Variants in DDX60 observed in about 807,000 individuals in gnomAD.
The protein encoded by DDX60 is DExD/H-box helicase 60, also known as probable ATP-dependent RNA helicase DDX60.
In DDX60, 165 loss-of-function variants were observed where a neutral mutation model predicts 212.8. The ratio of observed to expected loss-of-function variants is 0.78; its 90% CI spans 0.68 to 0.88. The LOEUF (loss-of-function observed/expected upper bound fraction) is 0.88. Ranked by LOEUF, DDX60 falls within the 40% of genes least tolerant of loss-of-function variation. DDX60 has a pLI of 0.00. For missense variants in DDX60, 1,905 were observed against 2,003.9 expected, an observed-to-expected ratio of 0.95 and a Z score of 0.94; for synonymous variants, 703 against 685.3, an observed-to-expected ratio of 1.03 and a Z score of -0.40.
intron 3 of DDX60, among the ~76,000 whole-genome samples, chr4:168,309,893 G>A (rs1351008451): frequency 6.6e-6 from 1 of 152,144 alleles, no homozygotes. Flanking sequence ...GAAGGGATAA[G>A]CTAACTCTAC....
chr4:168,285,932 GAA>G (rs1735817153), intron 10 of DDX60, among the ~76,000 whole-genome samples: 1 of 135,530 alleles, frequency 7.4e-6, no homozygotes, highest in African/African-American at 2.8e-5. Context: ...AGGAAGGAAG[GAA>G]GGAAGGGAGG....
chr4:168,310,675 G>C (rs980636925), intron 3 of DDX60, among the ~76,000 whole-genome samples: 2 of 152,104 alleles, frequency 1.3e-5, no homozygotes, highest in Non-Finnish European at 2.9e-5. Flanking sequence ...TTTTGGAGGA[G>C]TAAAAAGTTA....
intron 14 of DDX60, among the ~76,000 whole-genome samples, chr4:168,278,432 A>G (rs1341421161): frequency 6.6e-6 from 1 of 152,256 alleles, no homozygotes; most frequent in East Asian, 1.9e-4. Flanking sequence ...TGAAGACTTC[A>G]ACAAGGCATC....
At chr4:168,303,950 C>A (rs1736762466) in intron 5 of DDX60, among the ~76,000 whole-genome samples, 1 of 152,028 alleles carries the variant, frequency 6.6e-6, no homozygotes, top group African/African-American at 2.4e-5. Context: ...CCACAGCACT[C>A]CAGCCTGGGC....
intron 33 of DDX60, among the ~76,000 whole-genome samples, chr4:168,228,790 T>C (rs1733345987): frequency 6.6e-6 from 1 of 152,100 alleles, no homozygotes; most frequent in Non-Finnish European, 1.5e-5. Flanking sequence ...AAATTTTGGA[T>C]TTTTTCTATG....
At chr4:168,293,494 T>C (rs1736200129) in intron 7 of DDX60, among the ~76,000 whole-genome samples, 1 of 152,196 alleles carries the variant, frequency 6.6e-6, no homozygotes, top group Non-Finnish European at 1.5e-5. Context: ...GCCCAAAACA[T>C]ACTAGCATAT....
At chr4:168,316,918 C>T (rs570263330) in intron 1 of DDX60, among the ~76,000 whole-genome samples, 3 of 151,870 alleles carry the variant, frequency 2.0e-5, no homozygotes, top group South Asian at 2.1e-4. Flanking sequence ...ATTAGCTGGG[C>T]ATGGTGACAG....
intron 3 of DDX60, among the ~76,000 whole-genome samples, chr4:168,310,389 C>A (rs1377170479): frequency 6.6e-6 from 1 of 152,092 alleles, no homozygotes; most frequent in Non-Finnish European, 1.5e-5. Context: ...TTGTTATGAT[C>A]CACTCCCACT....
intron 7 of DDX60, among the ~76,000 whole-genome samples, chr4:168,293,064 C>A (rs1302524110): frequency 6.6e-6 from 1 of 152,044 alleles, no homozygotes; most frequent in Non-Finnish European, 1.5e-5. Flanking sequence ...AGATTGTATA[C>A]AGAATAGTAT....
chr4:168,298,861 AT>A (rs1299263212), intron 6 of DDX60, among the ~76,000 whole-genome samples: 1 of 152,166 alleles, frequency 6.6e-6, no homozygotes. Context: ...AAAAAAAGAA[AT>A]TTTAAAAATC....
intron 30 of DDX60, among the ~76,000 whole-genome samples, chr4:168,243,342 TG>T (rs893945368): frequency 6.6e-6 from 1 of 152,056 alleles, no homozygotes; most frequent in Non-Finnish European, 1.5e-5. Flanking sequence ...ACCTACAGAA[TG>T]GGAGAAAATT....
rs376925524 is a variant in DDX60, at chr4:168,262,096, G to T, written c.3177C>A (p.Asn1059Lys). 3 of 1,590,760 alleles carry T rather than the reference G, an allele frequency of 1.9e-6. No individual in the cohort carries two copies. In the South Asian group the frequency reaches 3.5e-5, roughly 19 times the overall value. ...ELCPENFIHF[N>K]NKLVIKKMDA... ...CCATCTTTTTAATGACTAATTTATT[G>T]TTAAAATGAATGAAGTTTTCTGGGC... The change falls in exon 24 of 38, where the codon AAC becomes AAA. Residue 1059 changes from asparagine (N) to lysine (K), a missense_variant. By Grantham distance (94) the Asn-to-Lys change is moderately conservative (BLOSUM62 0). Transcript: ENST00000393743.
At chr4:168,251,892 G>A (rs1734235179) in intron 27 of DDX60, among the ~76,000 whole-genome samples, 1 of 152,178 alleles carries the variant, frequency 6.6e-6, no homozygotes, top group East Asian at 1.9e-4. Flanking sequence ...TGAGTACTAT[G>A]AGTGATGACA....
chr4:168,223,007 C>A (rs1336402281), intron 35 of DDX60, among the ~76,000 whole-genome samples: 1 of 152,068 alleles, frequency 6.6e-6, no homozygotes, highest in African/African-American at 2.4e-5. Context: ...ATAAAAGTGA[C>A]TTTCAGGTGA....
chr4:168,225,867 A>C (rs1425614701), intron 33 of DDX60, among the ~76,000 whole-genome samples, 191 bp from the exon 34 acceptor site: 1 of 152,054 alleles, frequency 6.6e-6, no homozygotes. Context: ...TTCTATTTGC[A>C]ATTATGAAAA....
At chr4:168,218,263 C>G (rs1182350386) in intron 37 of DDX60, among the ~76,000 whole-genome samples, 2 of 152,094 alleles carry the variant, frequency 1.3e-5, no homozygotes, top group African/African-American at 4.8e-5. Context: ...TGATATCTCC[C>G]AGATATAATG....
chr4:168,275,289 C>T (rs893389094), intron 16 of DDX60, 56 bp downstream of exon 16: 11 of 1,456,606 alleles, frequency 7.6e-6, no homozygotes. Context: ...TGAGAAACCT[C>T]TGAGATCACA....
chr4:168,254,397 A>C (rs909687251), intron 26 of DDX60, among the ~76,000 whole-genome samples: 1 of 152,192 alleles, frequency 6.6e-6, no homozygotes, highest in Admixed American at 6.5e-5. Context: ...ACAGAAAAAT[A>C]GGTAGAGGAA....
intron 34 of DDX60, among the ~76,000 whole-genome samples, 188 bp from the exon 35 acceptor site, chr4:168,224,573 T>A (rs1733183351): frequency 6.6e-6 from 1 of 152,084 alleles, no homozygotes; most frequent in African/African-American, 2.4e-5. Flanking sequence ...TCAATGAAAG[T>A]TGGCTATTAA....
Sources: allele counts gnomAD v4.1 joint callset (sites outside exome capture counted in the v4.1 genomes callset), GRCh38; gene constraint gnomAD v4.1.1; transcripts MANE v1.5; gene names NCBI Gene and HGNC (gene_info 2026-07-23, HGNC 2026-07-21).